Variants in DSCAM observed in about 807,000 individuals in gnomAD.
The protein encoded by DSCAM is cell adhesion molecule DSCAM.
Under a neutral mutation model 217.7 loss-of-function variants are expected in DSCAM, and 47 were observed. That is an observed-to-expected ratio of 0.22 (90% confidence interval 0.17 to 0.28). The LOEUF is 0.28. Ranked by LOEUF, DSCAM falls within the 10% of genes least tolerant of loss-of-function variation. The probability of loss-of-function intolerance (pLI) is 1.00; values close to 1 mark genes in which losing one functional copy is unlikely to be tolerated. For synonymous variants in DSCAM, 1,056 were observed against 1,015.3 expected, an observed-to-expected ratio of 1.04 and a Z score of -0.76; for missense variants, 2,080 against 2,618.3, an observed-to-expected ratio of 0.79 and a Z score of 4.49.
intron 3 of DSCAM, among the ~76,000 whole-genome samples, chr21:40,643,803 G>T (rs1282771499): frequency 6.6e-6 from 1 of 152,232 alleles, no homozygotes. Context: ...AGCACACAAT[G>T]AGTATGCAGC....
chr21:40,025,694 A>G (rs914044326), intron 32 of DSCAM, among the ~76,000 whole-genome samples: 5 of 150,914 alleles, frequency 3.3e-5, no homozygotes, highest in Admixed American at 2.6e-4. Context: ...GGTAGTTTGT[A>G]TTTCTGTGGG....
At chr21:40,321,618 T>C (rs538732308) in intron 8 of DSCAM, among the ~76,000 whole-genome samples, 117 of 127,926 alleles carry the variant, frequency 9.1e-4, no homozygotes, top group Non-Finnish European at 1.6e-3. Context: ...TGGTCATTCT[T>C]TTTTTTTTTT....
intron 3 of DSCAM, among the ~76,000 whole-genome samples, chr21:40,521,358 A>T (rs2076357359): frequency 6.6e-6 from 1 of 152,146 alleles, no homozygotes; most frequent in Admixed American, 6.5e-5. Context: ...GGCTTTACTA[A>T]TTTTTATTCC....
chr21:40,223,028 C>T (rs895350972), intron 11 of DSCAM, among the ~76,000 whole-genome samples: 1 of 152,212 alleles, frequency 6.6e-6, no homozygotes, highest in African/African-American at 2.4e-5. Flanking sequence ...CATGACCACG[C>T]TCCCCTCCAG....
intron 3 of DSCAM, among the ~76,000 whole-genome samples, chr21:40,488,844 A>C (rs1452494759): frequency 6.6e-6 from 1 of 152,138 alleles, no homozygotes; most frequent in Non-Finnish European, 1.5e-5. Context: ...TTATTTCCCC[A>C]CCAAAAGCCA....
chr21:40,791,825 G>A (rs916971705), intron 1 of DSCAM, among the ~76,000 whole-genome samples: 1 of 152,122 alleles, frequency 6.6e-6, no homozygotes, highest in Admixed American at 6.5e-5. Context: ...GACTCAGGCC[G>A]TGAAGCTCAG....
intron 3 of DSCAM, among the ~76,000 whole-genome samples, chr21:40,370,854 T>C (rs1043370347): frequency 1.3e-5 from 2 of 152,068 alleles, no homozygotes; most frequent in African/African-American, 2.4e-5. Flanking sequence ...ACTCATGAGC[T>C]CAAGTGATCC....
At chr21:40,469,863 T>C (rs2837645) in intron 3 of DSCAM, among the ~76,000 whole-genome samples, 31,601 of 152,164 alleles carry the variant, frequency 0.21, 4,010 homozygotes, top group African/African-American at 0.35. Flanking sequence ...CATGTAGTGT[T>C]TGACTAAAAA....
chr21:40,637,664 T>A (rs1474400974), intron 3 of DSCAM, among the ~76,000 whole-genome samples: 1 of 109,650 alleles, frequency 9.1e-6, no homozygotes, highest in African/African-American at 3.9e-5. Flanking sequence ...TATATATATA[T>A]ATAAATTTTT....
intron 3 of DSCAM, among the ~76,000 whole-genome samples, chr21:40,451,875 C>A (rs62225469): frequency 2.0e-5 from 3 of 151,846 alleles, no homozygotes; most frequent in Admixed American, 2.0e-4. Flanking sequence ...TTTTCACTGA[C>A]GCAAAAATTC....
chr21:40,732,195 G>A (rs57736686), intron 1 of DSCAM, among the ~76,000 whole-genome samples: 17,777 of 152,144 alleles, frequency 0.12, 1,328 homozygotes, highest in Admixed American at 0.18. Context: ...ATAGAATTCT[G>A]AAGATTCTGC....
intron 11 of DSCAM, among the ~76,000 whole-genome samples, chr21:40,214,735 C>CAAAAAAAAAAAAAAAAACAAAAAA (rs2091224904): frequency 5.9e-5 from 4 of 67,892 alleles, no homozygotes; most frequent in East Asian, 4.9e-4. Flanking sequence ...GCAACAACAG[C>CAAAAAAAAAAAAAAAAACAAAAAA]AAAAAAAAAA....
chr21:40,495,028 A>G (rs2076106852), intron 3 of DSCAM, among the ~76,000 whole-genome samples: 1 of 152,188 alleles, frequency 6.6e-6, no homozygotes, highest in Non-Finnish European at 1.5e-5. Context: ...CAACTTACCA[A>G]GACTGAATCA....
chr21:40,468,323 C>T (rs1291704100), intron 3 of DSCAM, among the ~76,000 whole-genome samples: 1 of 152,076 alleles, frequency 6.6e-6, no homozygotes, highest in Non-Finnish European at 1.5e-5. Context: ...TGAGACCTGT[C>T]TGAGATACTT....
intron 1 of DSCAM, among the ~76,000 whole-genome samples, chr21:40,812,527 T>C (rs2091848030): frequency 6.6e-6 from 1 of 152,192 alleles, no homozygotes; most frequent in African/African-American, 2.4e-5. Context: ...TGGATACATG[T>C]GAACCATGAC....
chr21:40,419,711 A>G (rs1835270937), intron 3 of DSCAM, among the ~76,000 whole-genome samples: 1 of 152,244 alleles, frequency 6.6e-6, no homozygotes, highest in South Asian at 2.1e-4. Context: ...TCAGCTAAAC[A>G]TAAATTATGT....
At chr21:40,111,454 C>T (rs1421130689) in intron 20 of DSCAM, among the ~76,000 whole-genome samples, 4 of 152,022 alleles carry the variant, frequency 2.6e-5, no homozygotes, top group Non-Finnish European at 5.9e-5. Flanking sequence ...CCAGTCACTG[C>T]AAAAACATGC....
At chr21:40,469,079 G>A (rs891209161) in intron 3 of DSCAM, among the ~76,000 whole-genome samples, 2 of 152,058 alleles carry the variant, frequency 1.3e-5, no homozygotes, top group African/African-American at 4.8e-5. Context: ...CCTCAACACT[G>A]CCCACCCAAA....
At chr21:40,058,037 G>A (rs572716211) in intron 28 of DSCAM, among the ~76,000 whole-genome samples, 5 of 151,996 alleles carry the variant, frequency 3.3e-5, no homozygotes, top group African/African-American at 9.7e-5. Flanking sequence ...CACCATGTCT[G>A]GCTTTTTTGT....
Sources: gnomAD v4.1 joint callset for allele counts (sites outside exome capture counted in the v4.1 genomes callset) on GRCh38, gnomAD v4.1.1 for gene constraint, MANE v1.5 for transcripts, NCBI Gene and HGNC (gene_info 2026-07-23, HGNC 2026-07-21) for gene names.